The following GET4 variants were observed in gnomAD, a reference collection of about 807,000 sequenced individuals.
GET4 encodes the protein guided entry of tail-anchored proteins factor 4.
In GET4, 20 loss-of-function variants were observed where a neutral mutation model predicts 40.0. That is an observed-to-expected ratio of 0.50 (90% CI 0.35 to 0.73). The LOEUF (loss-of-function observed/expected upper bound fraction) is 0.73. Among genes scored for constraint, GET4 ranks in the 30% least tolerant of loss-of-function variants. GET4 has a pLI of 0.01. For synonymous variants in GET4, 280 were observed against 194.6 expected (o/e 1.44, Z -3.65); for missense variants, 557 against 454.0 (o/e 1.23, Z -2.06).
intron 2 of GET4, 174 bp downstream of exon 2, chr7:886,308 C>G (rs963740264): frequency 3.2e-6 from 2 of 616,064 alleles, no homozygotes; most frequent in Admixed American, 2.8e-5. Flanking sequence ...GCTCCACTCT[C>G]AAGACTGGGG....
chr7:884,459 C>A, intron 1 of GET4: 1 of 941,104 alleles, frequency 1.1e-6, no homozygotes, highest in African/African-American at 1.7e-5. Context: ...CTGCCAACGG[C>A]CTGCAGGCTG....
At position 895,480 on chromosome 7, in the gene GET4, G is replaced by A; in HGVS notation, c.*58G>A. ...ACGACGGCTGGAGGGACGTTTCAGA[G>A]GCGAGTCCTGGGTGGCTCCTCGCCT... On this transcript the variant is annotated 3_prime_UTR_variant, in exon 9 of 9. Transcript: ENST00000265857. 1 of 903,474 alleles carries A rather than the reference G, an allele frequency of 1.1e-6. No homozygotes were observed. The highest frequency in any genetic ancestry group is 1.9e-5 in the Admixed American group (1 of 51,864). The allele number at this position is 903,474 out of a possible 1,614,324, so 56.0% of individuals were successfully genotyped here.
At chr7:888,036 T>G (rs1378990936) in intron 4 of GET4, among the ~76,000 whole-genome samples, 4 of 152,076 alleles carry the variant, frequency 2.6e-5, no homozygotes, top group Non-Finnish European at 5.9e-5. Context: ...GAGGTGCTAA[T>G]GGGGGTTTAG....
chr7:891,735 C>T (rs973994776), intron 5 of GET4, among the ~76,000 whole-genome samples: 3 of 152,260 alleles, frequency 2.0e-5, no homozygotes, highest in African/African-American at 4.8e-5. Context: ...CAGCGTTGCC[C>T]GCTGCGGAGC....
At chr7:884,314 GTCA>G (rs1044080339) in intron 1 of GET4, 2 of 1,304,148 alleles carry the variant, frequency 1.5e-6, no homozygotes, top group African/African-American at 3.0e-5. Context: ...CTCTGAGTCA[GTCA>G]TGTCCCTGCA....
At chr7:894,614 G>C (rs62430817) in intron 8 of GET4, among the ~76,000 whole-genome samples, 2,547 of 152,104 alleles carry the variant, frequency 0.017, 29 homozygotes, top group Non-Finnish European at 0.029. Context: ...CCCAACACCC[G>C]TCAGGAGCGC....
chr7:893,838 G>A lies in GET4; in HGVS notation c.822+23G>A, dbSNP rs774413389. 13 of 1,606,866 alleles carry A rather than the reference G, an allele frequency of 8.1e-6. No homozygotes were observed. The African/African-American group carries it at 1.6e-4, about 20-fold the overall frequency. ...GAGGTGAGAGCTTGGGGCTGGGGAG[G>A]GAGGAGGGGACCCCACGGTCTGGGT... is the stretch of plus-strand genomic sequence containing the variant. On this transcript the variant is annotated intron_variant, in intron 7 of 8. Coordinates refer to ENST00000265857, the MANE Select transcript of GET4 (RefSeq NM_015949.3).
chr7:888,413 C>T (rs1256598516), intron 4 of GET4, among the ~76,000 whole-genome samples: 2 of 152,258 alleles, frequency 1.3e-5, no homozygotes, highest in Non-Finnish European at 2.9e-5. Flanking sequence ...CCTGGTCATG[C>T]AGGTTCCGCC....
intron 1 of GET4, chr7:878,026 G>A (rs1351686636): frequency 2.0e-5 from 5 of 247,834 alleles, no homozygotes; most frequent in Admixed American, 4.5e-5. Context: ...GTAGGAAGTC[G>A]CTGGCGTTCC....
chr7:878,439 G>A (rs1844013847), intron 1 of GET4: 1 of 461,066 alleles, frequency 2.2e-6, no homozygotes, highest in African/African-American at 2.0e-5. Context: ...CATTTCAGAG[G>A]ATTTAGTATT....
chr7:893,683 A>T, intron 6 of GET4, 57 bp from the exon 7 acceptor site: 1 of 1,157,060 alleles, frequency 8.6e-7, no homozygotes. Context: ...TGGTTTGTGC[A>T]GGTGAGTGTG....
chr7:894,992 G>A (rs1844442239), intron 8 of GET4, among the ~76,000 whole-genome samples: 1 of 151,826 alleles, frequency 6.6e-6, no homozygotes, highest in Non-Finnish European at 1.5e-5. Flanking sequence ...TCCGTGAGGT[G>A]GTGTTGGTTC....
rs148673372 is a variant in GET4 at position 890,950 on chromosome 7, G to A, written c.489G>A (p.Arg163=). 1.9e-6 allele frequency: 3 copies of A among 1,607,280 alleles called. No homozygotes were observed. Among genetic ancestry groups the A allele is most frequent in the African/African-American group, 1.3e-5 (1 of 74,856 alleles). ...LWKEQNYCES[R]YHFLHSADGE... is the part of the protein sequence containing the mutation. The stretch of plus-strand genomic sequence containing the variant: ...CAGAACAAAACTATTGTGAGTCGAG[G>A]TATCATTTTCTGCACTCAGCGGACG... The change falls in exon 5 of 9, where the codon AGG becomes AGA. Residue 163 remains arginine (R), a synonymous_variant. Transcript: ENST00000265857.
At chr7:884,112 G>A (rs1844140114) in intron 1 of GET4, 18 of 1,203,990 alleles carry the variant, frequency 1.5e-5, no homozygotes, top group Non-Finnish European at 1.8e-5. Context: ...TTTCTAAGTC[G>A]CCACCTCTTG....
At position 889,478 on chromosome 7, in the gene GET4, C is replaced by T. The variant is rs963596939; in HGVS notation, c.467-1450C>T. On this transcript the variant is annotated intron_variant, in intron 4 of 8. Coordinates refer to ENST00000265857, the MANE Select transcript of GET4 (RefSeq NM_015949.3). ...GACAGCAGGAGACAAAGCAAGGGGACGAGGACTCTGGCAGCCACAAAGGCA... is the reference window on the plus strand; with the variant it reads ...GACAGCAGGAGACAAAGCAAGGGGATGAGGACTCTGGCAGCCACAAAGGCA... 5.3e-5 allele frequency among the ~76,000 whole-genome samples: 8 copies of T among 151,894 alleles called. No homozygotes were observed. The East Asian group carries it at 5.8e-4, about 11-fold the overall frequency.
At chr7:877,009 C>T (rs1323890564) in intron 1 of GET4, among the ~76,000 whole-genome samples, 9 of 151,822 alleles carry the variant, frequency 5.9e-5, no homozygotes, top group Admixed American at 1.3e-4. Flanking sequence ...GTTCCCTCGG[C>T]CTCTGACTCC....
At chr7:888,823 C>T (rs1403443673) in intron 4 of GET4, among the ~76,000 whole-genome samples, 1 of 152,268 alleles carries the variant, frequency 6.6e-6, no homozygotes, top group Admixed American at 6.5e-5. Flanking sequence ...GCATAGCGAA[C>T]TGCCACTCTG....
At chr7:880,740 C>G (rs1430810332) in intron 1 of GET4, 2 of 152,262 alleles carry the variant, frequency 1.3e-5, no homozygotes, top group Non-Finnish European at 2.9e-5. Flanking sequence ...CGGCAGCTGT[C>G]ACCTCGCTGT....
chr7:887,337 C>T (rs745388367), intron 3 of GET4, 33 bp from the exon 4 acceptor site: 227 of 1,562,028 alleles, frequency 1.5e-4, no homozygotes, highest in Non-Finnish European at 2.0e-4. Flanking sequence ...AGTGGCCGTG[C>T]GTTCCTCTGA....
Sources: gnomAD v4.1 joint callset for allele counts (sites outside exome capture counted in the v4.1 genomes callset) on GRCh38, gnomAD v4.1.1 for gene constraint, MANE v1.5 for transcripts, NCBI Gene and HGNC (gene_info 2026-07-23, HGNC 2026-07-21) for gene names.